TEAD4: variants seen among roughly 807,000 people sequenced by gnomAD.
TEAD4 encodes the protein TEA domain transcription factor 4, also known as transcriptional enhancer factor TEF-3.
Under a neutral mutation model 52.4 loss-of-function variants are expected in TEAD4, and 36 were observed. The ratio of observed to expected loss-of-function variants is 0.69; its 90% CI spans 0.53 to 0.91. The LOEUF (loss-of-function observed/expected upper bound fraction) is 0.91. TEAD4 is among the 40% of genes least tolerant of loss of function. TEAD4 has a pLI of 0.00. For synonymous variants in TEAD4, 220 were observed against 231.0 expected, an observed-to-expected ratio of 0.95 and a Z score of 0.43; for missense variants, 508 against 583.9, an observed-to-expected ratio of 0.87 and a Z score of 1.34.
At chr12:2,977,628 CAG>C (rs1037459526) in intron 2 of TEAD4, among the ~76,000 whole-genome samples, 4 of 152,348 alleles carry the variant, frequency 2.6e-5, no homozygotes, top group Non-Finnish European at 4.4e-5. Flanking sequence ...GGTGATGAAA[CAG>C]AAGCTTTGGG....
At chr12:2,986,621 CAG>C (rs1238263943) in intron 2 of TEAD4, among the ~76,000 whole-genome samples, 4 of 148,724 alleles carry the variant, frequency 2.7e-5, no homozygotes, top group African/African-American at 9.9e-5. Context: ...GCCTGGGTGA[CAG>C]AGTGAGACTC....
chr12:2,970,829 C>A (rs1261544577), intron 2 of TEAD4, among the ~76,000 whole-genome samples: 2 of 152,204 alleles, frequency 1.3e-5, no homozygotes, highest in African/African-American at 4.8e-5. Context: ...GCAAAAGCAT[C>A]CTCGGAAATG....
At chr12:2,998,822 C>T (rs1333906652) in intron 3 of TEAD4, among the ~76,000 whole-genome samples, 6 of 152,200 alleles carry the variant, frequency 3.9e-5, no homozygotes, top group Non-Finnish European at 5.9e-5. Flanking sequence ...TGGCCTTGCT[C>T]CTCCACTGCC....
chr12:3,003,866 A>G (rs187625929), intron 3 of TEAD4, among the ~76,000 whole-genome samples: 3 of 152,308 alleles, frequency 2.0e-5, no homozygotes, highest in Admixed American at 2.0e-4. Flanking sequence ...GCCTGTGGTT[A>G]TGCAGCTAGG....
At chr12:3,023,706 C>G (rs953423115) in intron 10 of TEAD4, among the ~76,000 whole-genome samples, 2 of 150,882 alleles carry the variant, frequency 1.3e-5, no homozygotes, top group African/African-American at 2.4e-5. Flanking sequence ...CAGGAGTAAT[C>G]GCTTGAACGT....
At chr12:3,038,990 T>C (rs1401754940) in intron 11 of TEAD4, among the ~76,000 whole-genome samples, 2 of 152,114 alleles carry the variant, frequency 1.3e-5, no homozygotes, top group East Asian at 3.9e-4. Context: ...TCTTCGTCCC[T>C]CTCCTCACCC....
chr12:2,974,299 G>C (rs890636129), intron 2 of TEAD4, among the ~76,000 whole-genome samples: 11 of 152,150 alleles, frequency 7.2e-5, no homozygotes, highest in African/African-American at 2.4e-4. Context: ...CACCGTGCCC[G>C]GCCAGCTTTG....
intron 6 of TEAD4, 79 bp from the exon 7 acceptor site, chr12:3,018,466 G>A (rs530457684): frequency 2.2e-5 from 35 of 1,568,692 alleles, no homozygotes; most frequent in African/African-American, 1.2e-4. Flanking sequence ...GGCCCTGCCC[G>A]GTCCTACCCC....
intron 10 of TEAD4, among the ~76,000 whole-genome samples, chr12:3,022,941 A>AC (rs1381791232): frequency 2.0e-5 from 3 of 152,094 alleles, no homozygotes; most frequent in Non-Finnish European, 2.9e-5. Flanking sequence ...TTACTGCCAG[A>AC]CCACTTTCAT....
chr12:2,963,882 GTGGGCAGGCGGGCCCCCA>G (rs1385031440), intron 2 of TEAD4, among the ~76,000 whole-genome samples: 1 of 152,226 alleles, frequency 6.6e-6, no homozygotes, highest in Non-Finnish European at 1.5e-5. Context: ...TTGGCTTGGT[GTGGGCAGGCGGGCCCCCA>G]TGGGTGGGGA....
intron 2 of TEAD4, among the ~76,000 whole-genome samples, chr12:2,985,904 C>T (rs1301027437): frequency 2.0e-5 from 3 of 151,560 alleles, no homozygotes; most frequent in East Asian, 4.0e-4. Flanking sequence ...GCCAACAGGG[C>T]GAAACCCTGT....
intron 2 of TEAD4, among the ~76,000 whole-genome samples, chr12:2,964,662 G>A (rs1400897542): frequency 1.3e-5 from 2 of 150,134 alleles, no homozygotes; most frequent in Middle Eastern, 3.2e-3. Flanking sequence ...AACAGAGACA[G>A]GGTATTTCCA....
Position 3,040,560 on chromosome 12 carries a change from C to T in TEAD4, c.*82C>T, listed in dbSNP as rs1591605559. 1.6e-6 allele frequency: 2 copies of T among 1,269,350 alleles called. No individual in the cohort carries two copies. The highest frequency in any genetic ancestry group is 2.6e-4 in the Middle Eastern group (1 of 3,908). 78.6% of individuals were successfully genotyped at this position (1,269,350 alleles called of 1,614,324 possible). On this transcript the variant is annotated 3_prime_UTR_variant, in exon 13 of 13. Transcript: ENST00000359864. The stretch of plus-strand genomic sequence containing the variant: ...GGGAGGGGACCTGCAGGGGCAGCCC[C>T]CTGAAGTGCCAAGAGAGCTGAGAGG...
intron 7 of TEAD4, 147 bp from the exon 8 acceptor site, chr12:3,018,968 C>T (rs2098266625): frequency 2.1e-6 from 2 of 955,308 alleles, no homozygotes; most frequent in East Asian, 4.8e-5. Context: ...GGGGAGTCGG[C>T]AGGGGCGGGA....
At chr12:3,016,957 C>A in intron 5 of TEAD4, 2 of 393,666 alleles carry the variant, frequency 5.1e-6, no homozygotes, top group South Asian at 1.8e-5. Flanking sequence ...CAGGAGGGGC[C>A]ACAGGAGGTG....
At position 3,040,276 on chromosome 12, in the gene TEAD4, G is replaced by A. The variant is rs1317652449; in HGVS notation, c.1191+17G>A. 1 of 1,614,144 alleles carries A rather than the reference G, an allele frequency of 6.2e-7. No individual in the cohort carries two copies. Among genetic ancestry groups the A allele is most frequent in the Admixed American group, 1.7e-5 (1 of 60,030 alleles). On this transcript the variant is annotated intron_variant, in intron 12 of 12. Coordinates refer to ENST00000359864, the MANE Select transcript of TEAD4 (RefSeq NM_003213.4). ...ATCCTGCAGGTGTGCGGCGGGTGCTGCGGGTGTGGCTGGAGTCTGTGTGTG... is the reference window on the plus strand; with the variant it reads ...ATCCTGCAGGTGTGCGGCGGGTGCTACGGGTGTGGCTGGAGTCTGTGTGTG...
chr12:3,008,337 G>T (rs1025244369), intron 3 of TEAD4, among the ~76,000 whole-genome samples: 5 of 152,272 alleles, frequency 3.3e-5, no homozygotes, highest in African/African-American at 1.2e-4. Context: ...AGTGGGGCAG[G>T]TGTGGGCCTG....
At chr12:3,035,417 C>T (rs1173415384) in intron 10 of TEAD4, among the ~76,000 whole-genome samples, 3 of 152,200 alleles carry the variant, frequency 2.0e-5, no homozygotes, top group Non-Finnish European at 2.9e-5. Context: ...ACATTTTTGC[C>T]CTGTGCTTCC....
intron 2 of TEAD4, among the ~76,000 whole-genome samples, chr12:2,990,669 T>C (rs2098242317): frequency 6.6e-6 from 1 of 152,064 alleles, no homozygotes; most frequent in African/African-American, 2.4e-5. Context: ...TTTTGCCATG[T>C]TGGCCAGACT....
Sources: gnomAD v4.1 joint callset for allele counts (sites outside exome capture counted in the v4.1 genomes callset) on GRCh38, gnomAD v4.1.1 for gene constraint, MANE v1.5 for transcripts, NCBI Gene and HGNC (gene_info 2026-07-23, HGNC 2026-07-21) for gene names.